Variants in ADARB1 observed in about 807,000 individuals in gnomAD.
The protein encoded by ADARB1 is adenosine deaminase RNA specific B1, also known as double-stranded RNA-specific editase 1.
In ADARB1, 10 loss-of-function variants were observed where a neutral mutation model predicts 52.4. The ratio of observed to expected loss-of-function variants is 0.19; its 90% CI spans 0.12 to 0.32. The LOEUF is 0.32. Among genes scored for constraint, ADARB1 ranks in the 10% least tolerant of loss-of-function variants. The pLI, the probability that ADARB1 is intolerant of heterozygous loss-of-function variation, is 1.00. For missense variants in ADARB1, 643 were observed against 922.3 expected, an observed-to-expected ratio of 0.70 and a Z score of 3.92; for synonymous variants, 349 against 371.1, an observed-to-expected ratio of 0.94 and a Z score of 0.68.
At chr21:45,206,560 C>CTTTTTTTTTTTTTT (rs71199660) in intron 9 of ADARB1, among the ~76,000 whole-genome samples, 1 of 54,918 alleles carries the variant, frequency 1.8e-5, no homozygotes. Flanking sequence ...CTTCTCTGGT[C>CTTTTTTTTTTTTTT]TTTTTTTTTT....
At chr21:45,206,420 A>G (rs1354520901) in intron 9 of ADARB1, among the ~76,000 whole-genome samples, 1 of 152,234 alleles carries the variant, frequency 6.6e-6, no homozygotes, top group Non-Finnish European at 1.5e-5. Flanking sequence ...TATAAAAGTC[A>G]GTGTATTTTT....
chr21:45,087,571 G>A (rs533464935), intron 1 of ADARB1, among the ~76,000 whole-genome samples: 45 of 152,234 alleles, frequency 3.0e-4, no homozygotes, highest in Non-Finnish European at 6.0e-4. Flanking sequence ...CATAGGTGGG[G>A]TGCAGAGGGC....
intron 2 of ADARB1, chr21:45,134,798 G>C: frequency 1.9e-6 from 1 of 533,856 alleles, no homozygotes. Flanking sequence ...CATGAGTGAT[G>C]AAGATCCCGA....
At chr21:45,093,450 CG>C (rs1332793592) in intron 1 of ADARB1, among the ~76,000 whole-genome samples, 1 of 152,222 alleles carries the variant, frequency 6.6e-6, no homozygotes, top group Non-Finnish European at 1.5e-5. Flanking sequence ...AGAGAGGACC[CG>C]GCTTTCTGTG....
chr21:45,088,248 A>C (rs144186672), intron 1 of ADARB1, among the ~76,000 whole-genome samples: 1 of 152,208 alleles, frequency 6.6e-6, no homozygotes, highest in Non-Finnish European at 1.5e-5. Flanking sequence ...GCACACCTAA[A>C]TATCAGTTGC....
chr21:45,173,447 A>G (rs552769682), intron 3 of ADARB1, among the ~76,000 whole-genome samples: 1 of 152,156 alleles, frequency 6.6e-6, no homozygotes, highest in Non-Finnish European at 1.5e-5. Context: ...CCCTGAGGTG[A>G]ATAAGAATTT....
intron 2 of ADARB1, among the ~76,000 whole-genome samples, chr21:45,131,802 C>A (rs1223469921): frequency 2.6e-5 from 4 of 152,236 alleles, no homozygotes; most frequent in African/African-American, 9.6e-5. Flanking sequence ...AAGGAAAGAG[C>A]CGTCATTCAA....
Position 45,164,302 on chromosome 21 carries a change from G to A in ADARB1, c.-47-7308G>A, listed in dbSNP as rs545587025. Among the ~76,000 whole-genome samples the A allele has an allele frequency of 1.3e-4, 20 of 152,182 alleles. No individual in the cohort carries two copies. The South Asian group carries it at 2.9e-3, about 22-fold the overall frequency. On this transcript the variant is annotated intron_variant, in intron 2 of 10. Transcript: ENST00000348831. ...GTCCACAGGGCCTGAAGTAGGCCAC[G>A]AAAGCCCCAAGTTTGCCCCTGCGTT...
chr21:45,196,613 A>G (rs1394455597), intron 8 of ADARB1, among the ~76,000 whole-genome samples: 1 of 152,264 alleles, frequency 6.6e-6, no homozygotes, highest in Admixed American at 6.5e-5. Context: ...GGTATCCACA[A>G]TCCACTGTTA....
chr21:45,087,322 T>TC (rs1385848479), intron 1 of ADARB1, among the ~76,000 whole-genome samples: 1 of 152,188 alleles, frequency 6.6e-6, no homozygotes, highest in Non-Finnish European at 1.5e-5. Context: ...CACAACCACA[T>TC]CCACTGTTGA....
intron 9 of ADARB1, among the ~76,000 whole-genome samples, chr21:45,205,262 AAAAGAAAGAAAG>A (rs3838132): frequency 2.0e-5 from 3 of 151,644 alleles, no homozygotes; most frequent in Admixed American, 6.6e-5. Flanking sequence ...CCCTGTCTTT[AAAAGAAAGAAAG>A]AAAGAAAGAA....
chr21:45,080,106 T>C (rs1383946041), intron 1 of ADARB1, among the ~76,000 whole-genome samples: 1 of 152,096 alleles, frequency 6.6e-6, no homozygotes, highest in Non-Finnish European at 1.5e-5. Flanking sequence ...GAGGTGGTTG[T>C]GAGTGACCTT....
At chr21:45,106,008 A>G (rs1348600805) in intron 1 of ADARB1, among the ~76,000 whole-genome samples, 2 of 152,236 alleles carry the variant, frequency 1.3e-5, no homozygotes, top group African/African-American at 4.8e-5. Flanking sequence ...CCAACAATCT[A>G]GTGCAGAAAT....
intron 4 of ADARB1, among the ~76,000 whole-genome samples, chr21:45,178,450 C>T (rs553501939): frequency 1.3e-5 from 2 of 152,240 alleles, no homozygotes; most frequent in Non-Finnish European, 2.9e-5. Context: ...AGCTGCACTT[C>T]GAGTCTCTGC....
intron 1 of ADARB1, among the ~76,000 whole-genome samples, chr21:45,109,530 C>T (rs73907247): frequency 1.5e-3 from 233 of 152,312 alleles, no homozygotes; most frequent in African/African-American, 5.3e-3. Context: ...TTCTGCGTCG[C>T]CTGCGTCACC....
At chr21:45,082,389 A>C (rs1445102315) in intron 1 of ADARB1, among the ~76,000 whole-genome samples, 1 of 152,250 alleles carries the variant, frequency 6.6e-6, no homozygotes, top group Non-Finnish European at 1.5e-5. Flanking sequence ...AAAGTAAAAA[A>C]ATCATAAGTC....
intron 1 of ADARB1, among the ~76,000 whole-genome samples, chr21:45,100,187 T>C (rs1185442062): frequency 6.6e-6 from 1 of 152,230 alleles, no homozygotes; most frequent in East Asian, 1.9e-4. Flanking sequence ...TTGCAGGTTA[T>C]GTGAGATTAT....
At chr21:45,181,262 A>T (rs914206) in intron 5 of ADARB1, among the ~76,000 whole-genome samples, 3 of 152,076 alleles carry the variant, frequency 2.0e-5, no homozygotes, top group Non-Finnish European at 2.9e-5. Context: ...TTTCCCCCTG[A>T]GGGGTCACCT....
chr21:45,221,907 T>TC lies in ADARB1; in HGVS notation c.1927-105dup. 1 of 1,223,318 alleles carries TC rather than the reference T, an allele frequency of 8.2e-7. No individual in the cohort carries two copies. Among genetic ancestry groups the TC allele is most frequent in the South Asian group, 1.5e-5 (1 of 66,592 alleles). 75.8% of individuals were successfully genotyped at this position (1,223,318 alleles called of 1,614,324 possible). A position where few individuals can be genotyped will look rare whatever the true frequency, so the allele number is the denominator to read the frequency against. On this transcript the variant is annotated intron_variant, in intron 10 of 10. Coordinates refer to ENST00000348831, the MANE Select transcript of ADARB1 (RefSeq NM_001112.4). The surrounding 1 kb of genome is among the most constrained non-coding windows in gnomAD (Gnocchi z 4.9). ...GAAGGCGCCTTCCTCTGGGTTGCTTTCCCCCCAGAAGCCAATGCAGTTCTG... is the reference window on the plus strand; with the variant it reads ...GAAGGCGCCTTCCTCTGGGTTGCTTTCCCCCCCAGAAGCCAATGCAGTTCTG...
Sources: gnomAD v4.1 joint callset for allele counts (sites outside exome capture counted in the v4.1 genomes callset) on GRCh38, gnomAD v4.1.1 for gene constraint, Gnocchi (gnomAD v3.1) non-coding constraint, MANE v1.5 for transcripts, NCBI Gene and HGNC (gene_info 2026-07-23, HGNC 2026-07-21) for gene names.